The following SDCCAG8 variants were observed in gnomAD, a reference collection of about 807,000 sequenced individuals.
SDCCAG8 encodes the protein SHH signaling and ciliogenesis regulator SDCCAG8.
SDCCAG8 carries 74 observed loss-of-function variants against 101.8 expected under a neutral mutation model. The ratio of observed to expected loss-of-function variants is 0.73; its 90% confidence interval spans 0.60 to 0.88. SDCCAG8 has a LOEUF of 0.88. Among genes scored for constraint, SDCCAG8 ranks in the 40% least tolerant of loss-of-function variants. The pLI is 0.00. For synonymous variants in SDCCAG8, 281 were observed against 292.9 expected (o/e 0.96, Z 0.41); for missense variants, 787 against 822.6 (o/e 0.96, Z 0.53).
intron 1 of SDCCAG8, among the ~76,000 whole-genome samples, chr1:243,262,423 G>A (rs2067265897): frequency 6.6e-6 from 1 of 152,084 alleles, no homozygotes; most frequent in Non-Finnish European, 1.5e-5. Context: ...GCTCTTCTTA[G>A]TGCCTTTAAC....
intron 13 of SDCCAG8, among the ~76,000 whole-genome samples, chr1:243,383,831 C>T (rs1267883407): frequency 6.6e-6 from 1 of 152,132 alleles, no homozygotes; most frequent in African/African-American, 2.4e-5. Context: ...TAAGATGAAA[C>T]CCTCTTACCT....
At chr1:243,395,134 G>T (rs956355206) in intron 13 of SDCCAG8, among the ~76,000 whole-genome samples, 1 of 152,078 alleles carries the variant, frequency 6.6e-6, no homozygotes, top group African/African-American at 2.4e-5. Flanking sequence ...CTTTTCATTT[G>T]TTTATGTTCG....
At chr1:243,365,686 A>C (rs2076954647) in intron 12 of SDCCAG8, among the ~76,000 whole-genome samples, 2 of 152,160 alleles carry the variant, frequency 1.3e-5, no homozygotes, top group Non-Finnish European at 2.9e-5. Context: ...TTTTAGTAGC[A>C]GATACCATAT....
At chr1:243,257,180 A>T in intron 1 of SDCCAG8, among the ~76,000 whole-genome samples, 1 of 152,252 alleles carries the variant, frequency 6.6e-6, no homozygotes, top group East Asian at 1.9e-4. Flanking sequence ...AATAAATTTT[A>T]TATGGGACAT....
At chr1:243,340,914 C>A in intron 10 of SDCCAG8, 125 bp from the exon 11 acceptor site, 1 of 951,720 alleles carries the variant, frequency 1.1e-6, no homozygotes, top group South Asian at 1.4e-5. Flanking sequence ...ATGAACATAC[C>A]CAATCCACAG....
intron 11 of SDCCAG8, among the ~76,000 whole-genome samples, chr1:243,343,179 GAA>G (rs2075486608): frequency 6.6e-6 from 1 of 152,150 alleles, no homozygotes; most frequent in African/African-American, 2.4e-5. Flanking sequence ...CAGTAATGAT[GAA>G]ACTGATTTCT....
intron 16 of SDCCAG8, among the ~76,000 whole-genome samples, chr1:243,434,786 T>C (rs913048027): frequency 3.9e-5 from 6 of 152,166 alleles, no homozygotes; most frequent in Admixed American, 3.9e-4. Flanking sequence ...CCCAATAAGT[T>C]GGGAGCTTTG....
At chr1:243,301,796 G>A (rs2071536208) in intron 6 of SDCCAG8, among the ~76,000 whole-genome samples, 1 of 151,996 alleles carries the variant, frequency 6.6e-6, no homozygotes, top group Non-Finnish European at 1.5e-5. Flanking sequence ...TAAAACAAAA[G>A]GAAAGTAAAG....
chr1:243,308,682 T>C (rs774485010), intron 8 of SDCCAG8, among the ~76,000 whole-genome samples: 5 of 152,236 alleles, frequency 3.3e-5, no homozygotes, highest in Admixed American at 6.5e-5. Flanking sequence ...GAGGGTTAAC[T>C]GAGAACAAGT....
At chr1:243,308,234 A>C (rs2072359086) in intron 8 of SDCCAG8, 57 bp downstream of exon 8, 1 of 1,541,604 alleles carries the variant, frequency 6.5e-7, no homozygotes, top group African/African-American at 1.4e-5. Context: ...TCTGCCTTTA[A>C]AGGGGCATTG....
intron 4 of SDCCAG8, among the ~76,000 whole-genome samples, chr1:243,280,382 C>T (rs1418325224): frequency 6.6e-6 from 1 of 151,520 alleles, no homozygotes; most frequent in Admixed American, 6.6e-5. Flanking sequence ...TTTCAAAGAC[C>T]CAACTTTTGG....
At chr1:243,314,626 G>A (rs2484642) in intron 8 of SDCCAG8, among the ~76,000 whole-genome samples, 145,396 of 152,326 alleles carry the variant, frequency 0.95, 69,749 homozygotes, top group East Asian at 1. Context: ...TCTATTAAAC[G>A]TAAGTTTCCC....
At chr1:243,301,184 G>A (rs1196702489) in intron 6 of SDCCAG8, among the ~76,000 whole-genome samples, 1 of 152,168 alleles carries the variant, frequency 6.6e-6, no homozygotes, top group Non-Finnish European at 1.5e-5. Context: ...AAAGTAAAAT[G>A]TAGTACATAC....
At chr1:243,437,814 A>C (rs546437794) in intron 16 of SDCCAG8, among the ~76,000 whole-genome samples, 30 of 152,320 alleles carry the variant, frequency 2.0e-4, no homozygotes, top group South Asian at 8.3e-4. Flanking sequence ...CTGGGATGAC[A>C]GGCGTGAGCC....
chr1:243,353,184 G>A (rs1030760592), intron 12 of SDCCAG8, among the ~76,000 whole-genome samples: 4 of 151,876 alleles, frequency 2.6e-5, no homozygotes, highest in Non-Finnish European at 5.9e-5. Context: ...TAACATCCTT[G>A]CAGGGTGGTT....
chr1:243,412,524 C>T (rs773093223), intron 13 of SDCCAG8, among the ~76,000 whole-genome samples: 31 of 152,070 alleles, frequency 2.0e-4, no homozygotes, highest in East Asian at 5.8e-4. Context: ...GAATGCAGCC[C>T]GATACAAACT....
chr1:243,331,503 A>G (rs1394999105), intron 10 of SDCCAG8, among the ~76,000 whole-genome samples: 1 of 152,262 alleles, frequency 6.6e-6, no homozygotes, highest in Admixed American at 6.5e-5. Flanking sequence ...GGAGGCCTAA[A>G]GATATGTAAA....
chr1:243,472,138 C>G (rs1661392204), intron 16 of SDCCAG8, among the ~76,000 whole-genome samples: 1 of 152,174 alleles, frequency 6.6e-6, no homozygotes, highest in Non-Finnish European at 1.5e-5. Context: ...GTTTCAGGGT[C>G]ATGGCACATG....
chr1:243,436,192 G>T lies in SDCCAG8; in HGVS notation c.1985+9634G>T, dbSNP rs534651106. Among the ~76,000 whole-genome samples, 30 of 146,292 alleles carry T rather than the reference G, an allele frequency of 2.1e-4. No individual in the cohort carries two copies. In the South Asian group the frequency reaches 6.6e-3, roughly 32 times the overall value. On this transcript the variant is annotated intron_variant, in intron 16 of 17. Transcript: ENST00000366541. Reference sequence around the variant, plus strand: ...CTTTTTTTTTTTTTTTTTGAGCAGTGGCAAGGTTTTTTGTGAAGAGCAAAA... The same window carrying T: ...CTTTTTTTTTTTTTTTTTGAGCAGTTGCAAGGTTTTTTGTGAAGAGCAAAA...
Sources: gnomAD v4.1 joint callset for allele counts (sites outside exome capture counted in the v4.1 genomes callset) on GRCh38, gnomAD v4.1.1 for gene constraint, MANE v1.5 for transcripts, NCBI Gene and HGNC (gene_info 2026-07-23, HGNC 2026-07-21) for gene names.